Variants in EPHA3 observed in about 807,000 individuals in gnomAD.
The protein encoded by EPHA3 is EPH receptor A3.
Under a neutral mutation model 107.1 loss-of-function variants are expected in EPHA3, and 42 were observed. That is an observed-to-expected ratio of 0.39 (90% CI 0.31 to 0.51). The LOEUF is 0.51. EPHA3 is among the 20% of genes least tolerant of loss of function. The pLI, the probability that EPHA3 is intolerant of heterozygous loss-of-function variation, is 0.78. For missense variants in EPHA3, 1,183 were observed against 1,211.2 expected (o/e 0.98, Z 0.35); for synonymous variants, 461 against 424.8 (o/e 1.09, Z -1.05).
At chr3:89,434,758 C>G (rs938579500) in intron 13 of EPHA3, among the ~76,000 whole-genome samples, 3 of 152,142 alleles carry the variant, frequency 2.0e-5, no homozygotes, top group Non-Finnish European at 4.4e-5. Context: ...TTTAACATTT[C>G]TGAAATAAAA....
intron 15 of EPHA3, among the ~76,000 whole-genome samples, chr3:89,458,821 C>CAT (rs1242342551): frequency 7.2e-5 from 11 of 152,166 alleles, no homozygotes; most frequent in Non-Finnish European, 1.6e-4. Flanking sequence ...AAACGTAGCA[C>CAT]ATATACACCA....
intron 2 of EPHA3, among the ~76,000 whole-genome samples, chr3:89,197,428 CATA>C (rs10574432): frequency 0.59 from 88,830 of 149,774 alleles, 28,000 homozygotes; most frequent in Non-Finnish European, 0.7. Context: ...AACATAAAAA[CATA>C]AAAAAAAAAT....
chr3:89,364,674 G>A (rs922227418), intron 5 of EPHA3, among the ~76,000 whole-genome samples: 19 of 150,336 alleles, frequency 1.3e-4, no homozygotes, highest in African/African-American at 4.4e-4. Flanking sequence ...TGTTTTTCTA[G>A]ATTTTATGCA....
chr3:89,164,136 G>A (rs990964667), intron 2 of EPHA3, among the ~76,000 whole-genome samples: 22 of 152,102 alleles, frequency 1.4e-4, no homozygotes, highest in Non-Finnish European at 1.9e-4. Flanking sequence ...ATTTAGCAGC[G>A]CATGGATCTA....
chr3:89,122,842 C>G (rs1393958988), intron 1 of EPHA3, among the ~76,000 whole-genome samples: 1 of 152,066 alleles, frequency 6.6e-6, no homozygotes, highest in South Asian at 2.1e-4. Flanking sequence ...TAGTTTGTTC[C>G]TTTTACTAAG....
At chr3:89,476,224 TTATA>T (rs537350448) in intron 16 of EPHA3, among the ~76,000 whole-genome samples, 1 of 147,014 alleles carries the variant, frequency 6.8e-6, no homozygotes, top group African/African-American at 2.5e-5. Context: ...TATAAGCATA[TTATA>T]TATATATATG....
chr3:89,322,117 C>T (rs553513278), intron 3 of EPHA3, among the ~76,000 whole-genome samples: 5 of 151,972 alleles, frequency 3.3e-5, no homozygotes, highest in South Asian at 4.2e-4. Flanking sequence ...CACACACACA[C>T]ACACAGAGGG....
intron 5 of EPHA3, among the ~76,000 whole-genome samples, chr3:89,377,258 T>C (rs1708419763): frequency 6.6e-6 from 1 of 152,184 alleles, no homozygotes; most frequent in Non-Finnish European, 1.5e-5. Flanking sequence ...ATATTATGTG[T>C]AATTGCCTGT....
At chr3:89,155,401 G>A (rs1704778410) in intron 2 of EPHA3, among the ~76,000 whole-genome samples, 1 of 152,052 alleles carries the variant, frequency 6.6e-6, no homozygotes, top group African/African-American at 2.4e-5. Context: ...CCAAGCACTA[G>A]TGACAATATG....
chr3:89,306,023 A>T (rs1706612273), intron 3 of EPHA3, among the ~76,000 whole-genome samples: 1 of 152,060 alleles, frequency 6.6e-6, no homozygotes, highest in Middle Eastern at 3.2e-3. Flanking sequence ...TGTGGCTATA[A>T]ACGTCTCATC....
intron 6 of EPHA3, among the ~76,000 whole-genome samples, chr3:89,398,211 C>T (rs1412394414): frequency 1.3e-5 from 2 of 152,084 alleles, no homozygotes; most frequent in South Asian, 2.1e-4. Flanking sequence ...GGATATACAG[C>T]GTTTCATATT....
intron 13 of EPHA3, among the ~76,000 whole-genome samples, chr3:89,438,171 G>T (rs944826200): frequency 6.6e-6 from 1 of 150,790 alleles, no homozygotes; most frequent in African/African-American, 2.4e-5. Flanking sequence ...TGCAGTGGTG[G>T]GATCTCGGCT....
At chr3:89,175,077 T>C (rs1389570386) in intron 2 of EPHA3, among the ~76,000 whole-genome samples, 1 of 151,884 alleles carries the variant, frequency 6.6e-6, no homozygotes, top group Non-Finnish European at 1.5e-5. Context: ...GCATTTTTTT[T>C]TTTTTTTTGT....
At chr3:89,124,421 TTAAG>T (rs1270534868) in intron 1 of EPHA3, among the ~76,000 whole-genome samples, 2 of 152,142 alleles carry the variant, frequency 1.3e-5, no homozygotes, top group Non-Finnish European at 2.9e-5. Flanking sequence ...GGAGTCCCAA[TTAAG>T]TAACAATTCA....
intron 3 of EPHA3, among the ~76,000 whole-genome samples, chr3:89,326,564 A>AT (rs1327245494): frequency 2.6e-5 from 4 of 151,758 alleles, no homozygotes; most frequent in African/African-American, 9.7e-5. Flanking sequence ...TAATTTTTGT[A>AT]TTTTTTGTAG....
intron 2 of EPHA3, 105 bp from the exon 3 acceptor site, chr3:89,209,755 G>A (rs1423605612): frequency 2.2e-6 from 2 of 922,676 alleles, no homozygotes; most frequent in African/African-American, 1.7e-5. Flanking sequence ...TGTTTTTAAT[G>A]AGTAAATGAT....
chr3:89,291,158 G>A (rs140589852), intron 3 of EPHA3, among the ~76,000 whole-genome samples: 2 of 152,266 alleles, frequency 1.3e-5, no homozygotes, highest in Non-Finnish European at 2.9e-5. Flanking sequence ...CTGTGACCTT[G>A]AGTAAGTCAC....
intron 2 of EPHA3, among the ~76,000 whole-genome samples, chr3:89,189,121 A>C (rs1705641936): frequency 6.6e-6 from 1 of 152,260 alleles, no homozygotes; most frequent in African/African-American, 2.4e-5. Context: ...GAAAGGAATA[A>C]ATTTTAGTCT....
chr3:89,271,970 T>A (rs1174594899), intron 3 of EPHA3, among the ~76,000 whole-genome samples: 3 of 152,052 alleles, frequency 2.0e-5, no homozygotes, highest in African/African-American at 4.8e-5. Flanking sequence ...ACTATGATGA[T>A]CCACTCCCAT....
Sources: gnomAD v4.1 joint callset for allele counts (sites outside exome capture counted in the v4.1 genomes callset) on GRCh38, gnomAD v4.1.1 for gene constraint, MANE v1.5 for transcripts, NCBI Gene and HGNC (gene_info 2026-07-23, HGNC 2026-07-21) for gene names.